SHC2: variants seen among roughly 807,000 people sequenced by gnomAD.
The protein encoded by SHC2 is SHC-transforming protein 2.
Under a neutral mutation model 60.6 loss-of-function variants are expected in SHC2, and 62 were observed. The observed-to-expected ratio is 1.02, with a 90% CI of 0.83 to 1.26. The LOEUF is 1.26. Ranked by LOEUF, SHC2 falls within the 50% of genes most tolerant of loss-of-function variation. The pLI is 0.00. For missense variants in SHC2, 873 were observed against 822.2 expected (o/e 1.06, Z -0.76); for synonymous variants, 375 against 372.4 (o/e 1.01, Z -0.08).
In SHC2 at chr19:441,456, T is replaced by A. The variant is rs35867611; in HGVS notation, c.469-524A>T. Among the ~76,000 whole-genome samples the A allele has an allele frequency of 0.14, 21,457 of 152,134 alleles. 1,624 individuals carry two copies. The highest frequency in any genetic ancestry group is 0.16 in the Non-Finnish European group (11,119 of 67,956). ...GGGAATTCACCATCTCAATGACTGATAATACTGAGGGACGAGAGGGGCAGA... is the reference window on the plus strand; with the variant it reads ...GGGAATTCACCATCTCAATGACTGAAAATACTGAGGGACGAGAGGGGCAGA... On this transcript the variant is annotated intron_variant, in intron 1 of 12. Coordinates refer to ENST00000264554, the MANE Select transcript of SHC2 (RefSeq NM_012435.3). This position sits in a 1 kb window ranked among gnomAD's most constrained non-coding sequence, Gnocchi z 4.9.
rs1974374319 is a variant in SHC2 at position 425,013 on chromosome 19, T to C, written c.1309+84A>G. On this transcript the variant is annotated intron_variant, in intron 10 of 12. Coordinates refer to ENST00000264554, the MANE Select transcript of SHC2 (RefSeq NM_012435.3). The surrounding 1 kb of genome is among the most constrained non-coding windows in gnomAD (Gnocchi z 4.1). ...TCCCCCATCAGACCAGGGAATCCCG[T>C]AGGGAGTGGGGGTGGGGTTGTGCCT... The C allele has an allele frequency of 5.4e-6, 7 of 1,290,776 alleles. No individual in the cohort carries two copies. In the East Asian group the frequency reaches 1.4e-4, roughly 26 times the overall value. The allele number at this position is 1,290,776 out of a possible 1,614,324, so 80.0% of individuals were successfully genotyped here.
At chr19:436,559 GA>G in intron 5 of SHC2, 70 bp downstream of exon 5, 1 of 1,583,706 alleles carries the variant, frequency 6.3e-7, no homozygotes. Flanking sequence ...GGGCTCTGGG[GA>G]AGGATGAGAG....
At chr19:460,298 G>A (rs1386763400) in intron 1 of SHC2, among the ~76,000 whole-genome samples, 1 of 151,828 alleles carries the variant, frequency 6.6e-6, no homozygotes, top group Non-Finnish European at 1.5e-5. Context: ...CCCCTCCCCC[G>A]CCGCCCTCTC....
intron 5 of SHC2, 63 bp from the exon 6 acceptor site, chr19:436,494 AC>A (rs1974725582): frequency 6.3e-7 from 1 of 1,595,568 alleles, no homozygotes; most frequent in Non-Finnish European, 8.6e-7. Context: ...CCAGCTGCCC[AC>A]CCCAGCAATG....
intron 9 of SHC2, among the ~76,000 whole-genome samples, chr19:429,259 C>T (rs1974502483): frequency 6.7e-6 from 1 of 148,996 alleles, no homozygotes; most frequent in Admixed American, 6.8e-5. Context: ...ACCCAACATG[C>T]ACGGAAACCT....
Position 461,006 on chromosome 19 carries a change from C to CGCCCGACGGA in SHC2, c.-20_-11dup. On this transcript the variant is annotated 5_prime_UTR_variant, in exon 1 of 13. Coordinates refer to ENST00000264554, the MANE Select transcript of SHC2 (RefSeq NM_012435.3). ...CCGGACCCTGCGTCATGGCCGCGGC[C>CGCCCGACGGA]GCCCGACGGAGCCCGACCGGGCGCT... 2 of 940,878 alleles carry CGCCCGACGGA rather than the reference C, an allele frequency of 2.1e-6. No individual in the cohort carries two copies. Among genetic ancestry groups the CGCCCGACGGA allele is most frequent in the Non-Finnish European group, 2.5e-6 (2 of 789,280 alleles). The allele number at this position is 940,878 out of a possible 1,614,324, so 58.3% of individuals were successfully genotyped here.
In SHC2 at chr19:445,680, G is replaced by A. The variant is rs1187164282; in HGVS notation, c.469-4748C>T. 1.3e-5 allele frequency among the ~76,000 whole-genome samples: 2 copies of A among 152,166 alleles called. No individual in the cohort carries two copies. The highest frequency in any genetic ancestry group is 4.8e-5 in the African/African-American group (2 of 41,446). The stretch of plus-strand genomic sequence containing the variant: ...TTGAGCCCAGGAGGTTGAGGCTGCA[G>A]TGATCTGTGATGGCACCACGGCACT... On this transcript the variant is annotated intron_variant, in intron 1 of 12. Coordinates refer to ENST00000264554, the MANE Select transcript of SHC2 (RefSeq NM_012435.3). This position sits in a 1 kb window ranked among gnomAD's most constrained non-coding sequence, Gnocchi z 4.4.
chr19:456,108 T>C (rs1343096675), intron 1 of SHC2, among the ~76,000 whole-genome samples: 1 of 152,172 alleles, frequency 6.6e-6, no homozygotes, highest in Non-Finnish European at 1.5e-5. Flanking sequence ...CAGCTCGGCC[T>C]CTCTGTGCCT....
At chr19:428,256 G>A (rs1974470372) in intron 9 of SHC2, among the ~76,000 whole-genome samples, 1 of 152,206 alleles carries the variant, frequency 6.6e-6, no homozygotes, top group African/African-American at 2.4e-5. Context: ...GTGCCCGGTG[G>A]GAATGTCGGT....
At chr19:447,168 A>G (rs1455330749) in intron 1 of SHC2, among the ~76,000 whole-genome samples, 1 of 152,234 alleles carries the variant, frequency 6.6e-6, no homozygotes, top group Non-Finnish European at 1.5e-5. Context: ...AGTCTCCGAT[A>G]CGGGCCATGG....
intron 1 of SHC2, among the ~76,000 whole-genome samples, chr19:456,264 G>A (rs1188930295): frequency 6.6e-6 from 1 of 152,166 alleles, no homozygotes; most frequent in African/African-American, 2.4e-5. Flanking sequence ...GGCTGTCCCT[G>A]TGCCTGCTGT....
At chr19:454,247 C>T (rs1975276497) in intron 1 of SHC2, among the ~76,000 whole-genome samples, 1 of 152,218 alleles carries the variant, frequency 6.6e-6, no homozygotes, top group Non-Finnish European at 1.5e-5. Context: ...CTGGACGGTG[C>T]AGACACGGAC....
chr19:424,251 G>A lies in SHC2; in HGVS notation c.1309+846C>T, dbSNP rs909583015. On this transcript the variant is annotated intron_variant, in intron 10 of 12. Coordinates refer to ENST00000264554, the MANE Select transcript of SHC2 (RefSeq NM_012435.3). The surrounding 1 kb of genome is among the most constrained non-coding windows in gnomAD (Gnocchi z 4.5). The stretch of plus-strand genomic sequence containing the variant: ...CCTCCGCCCGGCTGGGGGCTCCCTC[G>A]GGCTGGGTCATCCACGGGGAAGGAA... Among the ~76,000 whole-genome samples the A allele has an allele frequency of 1.1e-4, 17 of 152,256 alleles. No individual in the cohort carries two copies. The East Asian group carries it at 1.4e-3, about 12-fold the overall frequency.
intron 1 of SHC2, among the ~76,000 whole-genome samples, chr19:460,165 C>T (rs952767308): frequency 1.3e-5 from 2 of 152,222 alleles, no homozygotes; most frequent in Non-Finnish European, 2.9e-5. Context: ...GCGTCTCGGG[C>T]CCCGTCTGTC....
rs1428233139 is a variant in SHC2, at chr19:425,482, G to T, written c.1175-251C>A. Among the ~76,000 whole-genome samples, 1 of 152,172 alleles carries T rather than the reference G, an allele frequency of 6.6e-6. No homozygotes were observed. Among genetic ancestry groups the T allele is most frequent in the South Asian group, 2.1e-4 (1 of 4,826 alleles). On this transcript the variant is annotated intron_variant, in intron 9 of 12. Transcript: ENST00000264554. This position sits in a 1 kb window ranked among gnomAD's most constrained non-coding sequence, Gnocchi z 4.1. The stretch of plus-strand genomic sequence containing the variant: ...GGGGCAGCGTGCGGCTGGGGCTGTG[G>T]GCACCAGACGTCCACGCCCAGGGAG...
At chr19:457,727 T>G (rs1380384493) in intron 1 of SHC2, among the ~76,000 whole-genome samples, 1 of 152,236 alleles carries the variant, frequency 6.6e-6, no homozygotes, top group Non-Finnish European at 1.5e-5. Flanking sequence ...GTCTGAATTC[T>G]GAACATTCTA....
chr19:425,360 C>T lies in SHC2; in HGVS notation c.1175-129G>A. ...GCTGCTGGCTGCAGGGCGGATGCTG[C>T]TCTGGTCTCCCTGTGGTAACCCGCC... On this transcript the variant is annotated intron_variant, in intron 9 of 12. Transcript: ENST00000264554. The surrounding 1 kb of genome is among the most constrained non-coding windows in gnomAD (Gnocchi z 4.1). 2.6e-6 allele frequency: 2 copies of T among 759,584 alleles called. No individual in the cohort carries two copies. The highest frequency in any genetic ancestry group is 3.6e-6 in the Non-Finnish European group (2 of 555,412). The allele number at this position is 759,584 out of a possible 1,614,324, so 47.1% of individuals were successfully genotyped here.
chr19:437,554 C>A (rs541209287), intron 4 of SHC2, among the ~76,000 whole-genome samples: 1 of 152,248 alleles, frequency 6.6e-6, no homozygotes, highest in Non-Finnish European at 1.5e-5. Context: ...CAACCCCGGC[C>A]CAGCCAGGAG....
chr19:436,577 G>T, intron 5 of SHC2, 53 bp downstream of exon 5: 1 of 1,588,828 alleles, frequency 6.3e-7, no homozygotes, highest in Non-Finnish European at 8.6e-7. Context: ...AGAGGGTCTC[G>T]CGGCCGGAGG....
Sources: allele counts gnomAD v4.1 joint callset (sites outside exome capture counted in the v4.1 genomes callset), GRCh38; gene constraint gnomAD v4.1.1; non-coding constraint Gnocchi (gnomAD v3.1); transcripts MANE v1.5; gene names NCBI Gene and HGNC (gene_info 2026-07-23, HGNC 2026-07-21).